Variants in SLC25A6 observed in about 807,000 individuals in gnomAD.
SLC25A6 encodes the protein ADP/ATP translocase 3.
In SLC25A6, 9 loss-of-function variants were observed where a neutral mutation model predicts 25.7. The observed-to-expected ratio is 0.35, with a 90% CI of 0.21 to 0.61. The LOEUF is 0.61. Among genes scored for constraint, SLC25A6 ranks in the 20% least tolerant of loss-of-function variants. SLC25A6 has a pLI of 0.76. For missense variants in SLC25A6, 404 were observed against 440.5 expected (o/e 0.92, Z 0.74); for synonymous variants, 223 against 197.0 (o/e 1.13, Z -1.11).
At chrX:1,388,110 A>G (rs2089350709) in intron 2 of SLC25A6, among the ~76,000 whole-genome samples, 1 of 148,790 alleles carries the variant, frequency 6.7e-6, no homozygotes, top group Admixed American at 6.7e-5. Context: ...GACACCTCAT[A>G]AGAAGAGCAG....
chrX:1,391,859 C>T, intron 1 of SLC25A6, 40 bp downstream of exon 1: 2 of 1,499,480 alleles, frequency 1.3e-6, no homozygotes, highest in Non-Finnish European at 1.8e-6. Context: ...ACTCGGTTCC[C>T]GTCCCCTAGT....
rs772466704 is a variant in SLC25A6, at chrX:1,391,930, G to A, written c.80C>T (p.Ala27Val). ...CAGCAGCTTGACCCGCTCGATCGGA[G>A]CCACGGCCGTCTTGGAGATGGCGGC... The part of the protein sequence containing the change: ...IAAAISKTAV[A>V]PIERVKLLLQ... Residue 27 changes from alanine (A) to valine (V), a missense_variant, in exon 1 of 4, where the codon GCT becomes GTT. Physicochemically the swap from Ala to Val is moderately conservative, Grantham distance 64 (BLOSUM62 0). Transcript: ENST00000381401. The A allele has an allele frequency of 1.9e-6, 3 of 1,609,084 alleles. No homozygotes were observed. The highest frequency in any genetic ancestry group is 3.3e-5 in the Admixed American group (2 of 59,748).
rs200654415 is a variant in SLC25A6 at position 1,389,430 on chromosome X, C to A, written c.409G>T (p.Ala137Ser). 3 of 1,613,820 alleles carry A rather than the reference C, an allele frequency of 1.9e-6. No individual in the cohort carries two copies. Among genetic ancestry groups the A allele is most frequent in the Admixed American group, 1.7e-5 (1 of 60,012 alleles). Residue 137 changes from alanine (A) to serine (S), a missense_variant, in exon 2 of 4, where the codon GCC becomes TCC. Ala to Ser is a moderately conservative substitution (Grantham distance 99). Coordinates refer to ENST00000381401, the MANE Select transcript of SLC25A6 (RefSeq NM_001636.4). ...ACGTCCGCTGCCAGGCGGGTTCTGG[C>A]GAAATCCAGCGGGTACACGAAGCAG... is the stretch of plus-strand genomic sequence containing the variant. ...SLCFVYPLDF[A>S]RTRLAADVGK...
At chrX:1,391,062 T>C (rs1285688732) in intron 1 of SLC25A6, among the ~76,000 whole-genome samples, 1 of 152,224 alleles carries the variant, frequency 6.6e-6, no homozygotes, top group Non-Finnish European at 1.5e-5. Flanking sequence ...CCCAGGCTGG[T>C]CTCAAACTCC....
intron 2 of SLC25A6, among the ~76,000 whole-genome samples, chrX:1,388,940 C>T (rs1253735395): frequency 6.9e-6 from 1 of 145,092 alleles, no homozygotes; most frequent in Non-Finnish European, 1.5e-5. Context: ...CTCCAGCCTC[C>T]AGGACTGTAG....
At position 1,386,712 on chromosome X, in the gene SLC25A6, TG is replaced by T; in HGVS notation, c.786del (p.Phe262LeufsTer36). 6.2e-7 allele frequency: 1 copy of T among 1,612,778 alleles called. No individual in the cohort carries two copies. The highest frequency in any genetic ancestry group is 8.5e-7 in the Non-Finnish European group (1 of 1,179,228). On this transcript the variant is annotated frameshift_variant, in exon 4 of 4. Coordinates refer to ENST00000381401, the MANE Select transcript of SLC25A6 (RefSeq NM_001636.4). LOFTEE classifies it high-confidence loss of function. The part of the protein sequence containing the change: ...TGTVDCWRKI[F>X]RDEGGKAFFK... ...AAGAAGGCCTTGCCCCCCTCATCTC[TG>T]AAGATCTTCCTCCAACAGTCGACGG... is the stretch of plus-strand genomic sequence containing the variant.
At position 1,389,337 on chromosome X, in the gene SLC25A6, C is replaced by CG. The variant is rs2089371211; in HGVS notation, c.501dup (p.Asp168ArgfsTer81). Reference sequence around the variant, plus strand: ...CCCTGGTACAGGCCCCGGATGCCGTCGGACTTGGTGATCTTCACCAGGCAG... The same window carrying CG: ...CCCTGGTACAGGCCCCGGATGCCGTCGGGACTTGGTGATCTTCACCAGGCAG... On this transcript the variant is annotated frameshift_variant, in exon 2 of 4. Coordinates refer to ENST00000381401, the MANE Select transcript of SLC25A6 (RefSeq NM_001636.4). LOFTEE classifies it high-confidence loss of function. 1 of 1,613,742 alleles carries CG rather than the reference C, an allele frequency of 6.2e-7. No homozygotes were observed. The highest frequency in any genetic ancestry group is 1.3e-5 in the African/African-American group (1 of 74,926).
In SLC25A6 at chrX:1,391,993, A is replaced by G; in HGVS notation, c.17T>C (p.Ile6Thr). Residue 6 changes from isoleucine (I) to threonine (T), a missense_variant, in exon 1 of 4, where the codon ATC becomes ACC. Transcript: ENST00000381401. ...GGCCAAGAAGTCTTTGGCGAAGGAG[A>G]TGGCCTGTTCCGTCATGGTGGCAGG... MTEQA[I>T]SFAKDFLAGG... The G allele has an allele frequency of 6.2e-7, 1 of 1,608,454 alleles. No homozygotes were observed. Among genetic ancestry groups the G allele is most frequent in the Non-Finnish European group, 8.5e-7 (1 of 1,178,532 alleles).
chrX:1,388,192 GGA>G (rs1163454692), intron 2 of SLC25A6, among the ~76,000 whole-genome samples: 21 of 144,056 alleles, frequency 1.5e-4, no homozygotes, highest in African/African-American at 5.0e-4. Flanking sequence ...TACAAGCCCA[GGA>G]GAGAGGCCTC....
chrX:1,387,939 A>C (rs1457065440), intron 2 of SLC25A6, among the ~76,000 whole-genome samples: 18 of 152,092 alleles, frequency 1.2e-4, no homozygotes, highest in Non-Finnish European at 1.5e-4. Flanking sequence ...CACAGGGAGA[A>C]GACGGTGTCT....
At chrX:1,388,964 T>G (rs1421752761) in intron 2 of SLC25A6, among the ~76,000 whole-genome samples, 3 of 142,424 alleles carry the variant, frequency 2.1e-5, no homozygotes, top group Non-Finnish European at 4.5e-5. Flanking sequence ...AATCAATGTC[T>G]GTTGTTTATA....
Position 1,389,519 on chromosome X carries a change from G to A in SLC25A6, c.320C>T (p.Thr107Met), listed in dbSNP as rs373453541. The change falls in exon 2 of 4, where the codon ACG (threonine) becomes ATG (methionine). Residue 107 changes from threonine (T) to methionine (M), a missense_variant. Physicochemically the swap from Thr to Met is moderately conservative, Grantham distance 81 (BLOSUM62 -1). Transcript: ENST00000381401. The stretch of plus-strand genomic sequence containing the variant: ...GCCCGCAAAGTACCTCCAGAACTGC[G>A]TGTGCTTGTCCACGCCCCCCAGGAA... ...QIFLGGVDKHTQFWRYFAGNL... is the reference protein window; with the variant it reads ...QIFLGGVDKHMQFWRYFAGNL... 11 of 1,614,088 alleles carry A rather than the reference G, an allele frequency of 6.8e-6. No homozygotes were observed. Among genetic ancestry groups the A allele is most frequent in the East Asian group, 2.2e-5 (1 of 44,890 alleles).
Position 1,386,265 on chromosome X carries a change from G to GT in SLC25A6, c.*336dup, listed in dbSNP as rs1403060571. The GT allele has an allele frequency of 1.4e-5, 4 of 287,130 alleles. No individual in the cohort carries two copies. The highest frequency in any genetic ancestry group is 2.6e-5 in the Non-Finnish European group (4 of 155,520). The allele number at this position is 287,130 out of a possible 1,614,324, so 17.8% of individuals were successfully genotyped here. ...AGCGCTGAAGTACAAATGGGAAAAC[G>GT]TGATTCTTTTGTTTTAAATAAATAC... On this transcript the variant is annotated 3_prime_UTR_variant, in exon 4 of 4. Transcript: ENST00000381401.
chrX:1,387,449 AGCGCCT>A, intron 2 of SLC25A6, 30 bp from the exon 3 acceptor site: 1 of 1,608,728 alleles, frequency 6.2e-7, no homozygotes, highest in Non-Finnish European at 8.5e-7. Context: ...CACCGTCTCC[AGCGCCT>A]GCACGGCCAC....
Position 1,392,059 on chromosome X carries a change from G to C in SLC25A6, c.-50C>G. The C allele has an allele frequency of 7.2e-7, 1 of 1,395,764 alleles. No individual in the cohort carries two copies. The highest frequency in any genetic ancestry group is 1.0e-6 in the Non-Finnish European group (1 of 1,002,240). The allele number at this position is 1,395,764 out of a possible 1,614,324, so 86.5% of individuals were successfully genotyped here. On this transcript the variant is annotated 5_prime_UTR_variant, in exon 1 of 4. Coordinates refer to ENST00000381401, the MANE Select transcript of SLC25A6 (RefSeq NM_001636.4). ...GGAGGACAGCCGGAGAACGGGCGCG[G>C]AGAGTGAATGGAGGGCGTCGCTGGC...
At position 1,391,893 on chromosome X, in the gene SLC25A6, C is replaced by A; in HGVS notation, c.111+6G>T. The A allele has an allele frequency of 1.9e-6, 3 of 1,594,916 alleles. No individual in the cohort carries two copies. The highest frequency in any genetic ancestry group is 1.7e-6 in the Non-Finnish European group (2 of 1,172,598). On this transcript the variant is annotated splice_donor_region_variant and intron_variant, in intron 1 of 3. Transcript: ENST00000381401. ...GTCCCCGGAGCGGCCGCGCCCGCGT[C>A]CCCACCTGCAGCAGCAGCTTGACCC... is the stretch of plus-strand genomic sequence containing the variant.
At chrX:1,389,031 TAAG>T (rs2089365407) in intron 2 of SLC25A6, among the ~76,000 whole-genome samples, 1 of 150,478 alleles carries the variant, frequency 6.6e-6, no homozygotes, top group South Asian at 2.1e-4. Context: ...AGACATCCCA[TAAG>T]AAGAGAGGAT....
chrX:1,391,257 C>T (rs2089405445), intron 1 of SLC25A6, among the ~76,000 whole-genome samples: 1 of 152,192 alleles, frequency 6.6e-6, no homozygotes, highest in African/African-American at 2.4e-5. Flanking sequence ...CCTGTCCTTG[C>T]AGCCAAGCCT....
rs753046544 is a variant in SLC25A6, at chrX:1,389,331, T to C, written c.508A>G (p.Ile170Val). 2.5e-5 allele frequency: 40 copies of C among 1,613,760 alleles called. No individual in the cohort carries two copies. The highest frequency in any genetic ancestry group is 3.3e-5 in the Non-Finnish European group (39 of 1,179,878). The change falls in exon 2 of 4, where the codon ATC becomes GTC. Residue 170 changes from isoleucine (I) to valine (V), a missense_variant. Ile to Val is a conservative substitution (Grantham distance 29). Coordinates refer to ENST00000381401, the MANE Select transcript of SLC25A6 (RefSeq NM_001636.4). ...CTGAAGCCCTGGTACAGGCCCCGGATGCCGTCGGACTTGGTGATCTTCACC... is the reference window on the plus strand; with the variant it reads ...CTGAAGCCCTGGTACAGGCCCCGGACGCCGTCGGACTTGGTGATCTTCACC... ...CLVKITKSDGIRGLYQGFSVS... is the reference protein window; with the variant it reads ...CLVKITKSDGVRGLYQGFSVS...
Sources: allele counts gnomAD v4.1 joint callset (sites outside exome capture counted in the v4.1 genomes callset), GRCh38; gene constraint gnomAD v4.1.1; transcripts MANE v1.5; gene names NCBI Gene and HGNC (gene_info 2026-07-23, HGNC 2026-07-21).